Variants in UPP2 observed in about 807,000 individuals in gnomAD.
UPP2 encodes uridine phosphorylase 2.
A neutral mutation model predicts 26.7 loss-of-function variants in UPP2; 23 were observed. The ratio of observed to expected loss-of-function variants is 0.86; its 90% CI spans 0.62 to 1.22. The LOEUF is 1.22. Ranked by LOEUF, UPP2 falls within the 50% of genes most tolerant of loss-of-function variation. UPP2 has a pLI of 0.00. For missense variants in UPP2, 387 were observed against 396.7 expected (o/e 0.98, Z 0.21); for synonymous variants, 127 against 141.3 (o/e 0.90, Z 0.72).
At chr2:158,009,351 A>G (rs1294480321) in intron 2 of UPP2, among the ~76,000 whole-genome samples, 1 of 152,234 alleles carries the variant, frequency 6.6e-6, no homozygotes, top group Non-Finnish European at 1.5e-5. Context: ...AAATGTCGCT[A>G]TTAATCCAGT....
chr2:158,059,875 G>A (rs1001055954), intron 3 of UPP2, among the ~76,000 whole-genome samples: 2 of 152,062 alleles, frequency 1.3e-5, no homozygotes, highest in African/African-American at 4.8e-5. Context: ...CAATTCAAAG[G>A]ATCTTCTTGG....
intron 3 of UPP2, among the ~76,000 whole-genome samples, chr2:158,045,290 G>C (rs578002955): frequency 6.6e-6 from 1 of 152,294 alleles, no homozygotes; most frequent in African/African-American, 2.4e-5. Context: ...GGCTTAACTA[G>C]TGATGGTGAA....
At chr2:158,129,846 G>T (rs912708761) in intron 6 of UPP2, among the ~76,000 whole-genome samples, 18 of 151,902 alleles carry the variant, frequency 1.2e-4, no homozygotes, top group African/African-American at 4.4e-4. Context: ...GCTCACTGCA[G>T]CCTCCACCTC....
chr2:158,081,484 G>GAA (rs1218238561), intron 3 of UPP2, among the ~76,000 whole-genome samples: 5 of 152,112 alleles, frequency 3.3e-5, no homozygotes, highest in Admixed American at 1.3e-4. Flanking sequence ...CCAAAAGAAA[G>GAA]AAAATCAGTC....
rs549007224 is a variant in UPP2, at chr2:158,051,729, C to T, written c.147+35843C>T. ...CCAGGAGGCGGAGGTTGCAGTGAGC[C>T]GAGTTCATGCCACTGCACTCCAGCC... is the stretch of plus-strand genomic sequence containing the variant. On this transcript the variant is annotated intron_variant, in intron 3 of 9. Coordinates refer to the UPP2 transcript ENST00000605860. Among the ~76,000 whole-genome samples, 7 of 152,074 alleles carry T rather than the reference C, an allele frequency of 4.6e-5. No individual in the cohort carries two copies. In the East Asian group the frequency reaches 1.2e-3, roughly 25 times the overall value.
chr2:158,021,771 C>T (rs1225143649), intron 3 of UPP2, among the ~76,000 whole-genome samples: 2 of 152,104 alleles, frequency 1.3e-5, no homozygotes. Flanking sequence ...ATTATACTAT[C>T]ATCATAGACA....
In UPP2 at chr2:158,093,617, G is replaced by A. The variant is rs114522408; in HGVS notation, c.148-8423G>A. 8.4e-3 allele frequency among the ~76,000 whole-genome samples: 1,283 copies of A among 152,172 alleles called. 24 individuals carry two copies. Among genetic ancestry groups the A allele is most frequent in the African/African-American group, 0.028 (1,168 of 41,536 alleles). On this transcript the variant is annotated intron_variant, in intron 3 of 9. Coordinates refer to the UPP2 transcript ENST00000605860. ...AAGACTGCCAAACATATATAAAGGC[G>A]TTTAATCTCACTAGTAATCAGGGAA...
chr2:158,057,558 T>C (rs1682266501), intron 3 of UPP2, among the ~76,000 whole-genome samples: 1 of 115,392 alleles, frequency 8.7e-6, no homozygotes, highest in Non-Finnish European at 1.8e-5. Context: ...AGAGTTCTCA[T>C]CTACCCCACA....
At chr2:158,050,365 A>G (rs1682132163) in intron 3 of UPP2, among the ~76,000 whole-genome samples, 1 of 152,030 alleles carries the variant, frequency 6.6e-6, no homozygotes, top group Non-Finnish European at 1.5e-5. Flanking sequence ...GTTTGGCTCC[A>G]ATGTATTTAC....
At chr2:158,044,473 C>T (rs1016004769) in intron 3 of UPP2, among the ~76,000 whole-genome samples, 7 of 151,914 alleles carry the variant, frequency 4.6e-5, no homozygotes, top group East Asian at 1.9e-4. Flanking sequence ...GCAGGATAAC[C>T]GCAAAGAGAG....
At chr2:158,064,527 T>A (rs1682405161) in intron 3 of UPP2, among the ~76,000 whole-genome samples, 2 of 149,578 alleles carry the variant, frequency 1.3e-5, no homozygotes, top group Admixed American at 6.7e-5. Context: ...TTTTCTCCCA[T>A]TCTGTGGGTT....
chr2:158,125,548 C>T (rs565921757), intron 6 of UPP2, among the ~76,000 whole-genome samples: 2 of 151,834 alleles, frequency 1.3e-5, no homozygotes, highest in Admixed American at 1.3e-4. Flanking sequence ...CAGCCTCCCA[C>T]ATAGCTGGAA....
At chr2:158,037,210 T>TA (rs200937036) in intron 3 of UPP2, among the ~76,000 whole-genome samples, 23,473 of 150,660 alleles carry the variant, frequency 0.16, 2,741 homozygotes, top group East Asian at 0.52. Context: ...CCATCTCTAC[T>TA]AAAAATACAA....
intron 3 of UPP2, among the ~76,000 whole-genome samples, chr2:158,046,904 T>C (rs187808711): frequency 1.3e-5 from 2 of 152,328 alleles, no homozygotes; most frequent in East Asian, 3.9e-4. Flanking sequence ...TCAGATATTA[T>C]AGTTAATAAG....
rs1683193649 is a variant in UPP2, at chr2:158,106,278, C to A, written c.180+62C>A. On this transcript the variant is annotated intron_variant, in intron 2 of 6. Coordinates refer to ENST00000005756, the MANE Select transcript of UPP2 (RefSeq NM_173355.4). ...TTTTCTCTACTAATTTTTCTTCTTA[C>A]CTTGCCAAAATAATCTATACACCTT... The A allele has an allele frequency of 5.5e-5, 80 of 1,455,072 alleles. 1 individual carries two copies. In the South Asian group the frequency reaches 8.6e-4, roughly 16 times the overall value. 90.1% of individuals were successfully genotyped at this position (1,455,072 alleles called of 1,614,324 possible).
At chr2:158,096,901 AG>A (rs1216281214), upstream of UPP2, among the ~76,000 whole-genome samples, 4 of 152,138 alleles carry the variant, frequency 2.6e-5, no homozygotes, top group African/African-American at 9.6e-5. Context: ...TCCCAAATTT[AG>A]GGTTATGTTT....
chr2:158,074,398 A>T (rs1399412176), intron 3 of UPP2, among the ~76,000 whole-genome samples: 1 of 152,168 alleles, frequency 6.6e-6, no homozygotes, highest in Non-Finnish European at 1.5e-5. Context: ...AGACATAAAG[A>T]GAAGAAAATA....
intron 3 of UPP2, among the ~76,000 whole-genome samples, chr2:158,048,948 A>G (rs1319933161): frequency 2.6e-5 from 4 of 152,118 alleles, no homozygotes; most frequent in African/African-American, 9.7e-5. Context: ...GATGTGAGTC[A>G]ATGTGTCTTG....
intron 2 of UPP2, among the ~76,000 whole-genome samples, chr2:158,015,493 A>G (rs1349547323): frequency 6.6e-6 from 1 of 152,146 alleles, no homozygotes; most frequent in African/African-American, 2.4e-5. Context: ...CTGTTGTTGG[A>G]TATCTAGATT....
Sources: gnomAD v4.1 joint callset for allele counts (sites outside exome capture counted in the v4.1 genomes callset) on GRCh38, gnomAD v4.1.1 for gene constraint, MANE v1.5 for transcripts, NCBI Gene and HGNC (gene_info 2026-07-23, HGNC 2026-07-21) for gene names.